Variants in MED12L observed in about 807,000 individuals in gnomAD.
MED12L encodes mediator complex subunit 12L.
A neutral mutation model predicts 281.3 loss-of-function variants in MED12L; 60 were observed. That is an observed-to-expected ratio of 0.21 (90% CI 0.17 to 0.26). The LOEUF (loss-of-function observed/expected upper bound fraction) is 0.26. Ranked by LOEUF, MED12L falls within the 10% of genes least tolerant of loss-of-function variation. The pLI, the probability that MED12L is intolerant of heterozygous loss-of-function variation, is 1.00. For missense variants in MED12L, 2,146 were observed against 2,680.9 expected, an observed-to-expected ratio of 0.80 and a Z score of 4.41; for synonymous variants, 974 against 987.2, an observed-to-expected ratio of 0.99 and a Z score of 0.25.
chr3:151,233,799 G>T (rs1022495937), intron 16 of MED12L, among the ~76,000 whole-genome samples: 1 of 152,226 alleles, frequency 6.6e-6, no homozygotes, highest in East Asian at 1.9e-4. Context: ...TTCTTGGATC[G>T]TTCCTGTTCC....
At chr3:151,391,285 A>C (rs1210089921) in intron 38 of MED12L, among the ~76,000 whole-genome samples, 1 of 152,198 alleles carries the variant, frequency 6.6e-6, no homozygotes, top group Non-Finnish European at 1.5e-5. Flanking sequence ...TGATCTTCAC[A>C]TATTCCTAGC....
chr3:151,230,081 C>T (rs368932754), intron 16 of MED12L, among the ~76,000 whole-genome samples: 8 of 151,670 alleles, frequency 5.3e-5, no homozygotes, highest in South Asian at 2.1e-4. Flanking sequence ...GCCATTCTCC[C>T]GCCTCTGCCT....
At chr3:151,310,374 C>T (rs535524903) in intron 16 of MED12L, among the ~76,000 whole-genome samples, 1 of 152,288 alleles carries the variant, frequency 6.6e-6, no homozygotes, top group East Asian at 1.9e-4. Context: ...CTTATCCTGC[C>T]TCTGTAAAAT....
At chr3:151,260,495 G>A (rs572155584) in intron 16 of MED12L, among the ~76,000 whole-genome samples, 9 of 152,090 alleles carry the variant, frequency 5.9e-5, no homozygotes, top group African/African-American at 1.7e-4. Context: ...GACTGCAGGC[G>A]TGTACCACTG....
At chr3:151,259,441 A>C (rs972912898) in intron 16 of MED12L, among the ~76,000 whole-genome samples, 4 of 152,204 alleles carry the variant, frequency 2.6e-5, no homozygotes, top group African/African-American at 9.6e-5. Context: ...TTATTAGTCA[A>C]CCTGGACACT....
intron 16 of MED12L, among the ~76,000 whole-genome samples, chr3:151,277,322 C>T (rs967221297): frequency 6.6e-6 from 1 of 151,792 alleles, no homozygotes; most frequent in South Asian, 2.1e-4. Flanking sequence ...TAAATTTTAC[C>T]GAAATATAAA....
At chr3:151,262,681 T>G (rs530364789) in intron 16 of MED12L, among the ~76,000 whole-genome samples, 29 of 152,298 alleles carry the variant, frequency 1.9e-4, no homozygotes, top group Non-Finnish European at 3.2e-4. Context: ...ACCGACAGAT[T>G]TATTCTTGGG....
intron 9 of MED12L, among the ~76,000 whole-genome samples, chr3:151,164,609 A>G (rs1477997035): frequency 6.6e-6 from 1 of 152,222 alleles, no homozygotes; most frequent in East Asian, 1.9e-4. Flanking sequence ...CAAATGTCCA[A>G]CAATGATTGA....
rs1208924605 is a variant in MED12L, at chr3:151,411,501, C to G, written c.6134C>G (p.Ser2045Cys). Reference sequence around the variant, plus strand: ...CCGTACCTGCAGCCCCTGACTGGCTCTCAGAGGTGATACATGTGGAAATGA... The same window carrying G: ...CCGTACCTGCAGCCCCTGACTGGCTGTCAGAGGTGATACATGTGGAAATGA... Reference protein sequence around the residue: ...ASPYLQPLTGSQRLNHQALQQ... With the variant: ...ASPYLQPLTGCQRLNHQALQQ... Residue 2045 changes from serine (S) to cysteine (C), a missense_variant, in exon 41 of 45, where the codon TCT (serine) becomes TGT (cysteine). Ser to Cys is a moderately radical substitution (Grantham distance 112). Around this residue, in one of 9 missense-constraint regions of MED12L, gnomAD observed 496 missense variants for 512.0 expected, o/e 0.97. Coordinates refer to ENST00000687756, the MANE Select transcript of MED12L (RefSeq NM_001393769.1). The G allele has an allele frequency of 1.9e-6, 3 of 1,614,020 alleles. No homozygotes were observed. The highest frequency in any genetic ancestry group is 2.5e-6 in the Non-Finnish European group (3 of 1,179,884).
intron 38 of MED12L, among the ~76,000 whole-genome samples, chr3:151,391,020 G>A (rs1714169634): frequency 6.6e-6 from 1 of 152,136 alleles, no homozygotes; most frequent in South Asian, 2.1e-4. Context: ...TCTGTAAAAT[G>A]AATATGCTAA....
At chr3:151,361,521 T>G (rs1754612946) in intron 21 of MED12L, among the ~76,000 whole-genome samples, 3 of 152,204 alleles carry the variant, frequency 2.0e-5, no homozygotes, top group Non-Finnish European at 4.4e-5. Flanking sequence ...CATGACCTGA[T>G]AATGATAGTA....
At chr3:151,178,823 T>C (rs1168142019) in intron 11 of MED12L, among the ~76,000 whole-genome samples, 1 of 152,228 alleles carries the variant, frequency 6.6e-6, no homozygotes, top group Admixed American at 6.5e-5. Flanking sequence ...TACTACTACC[T>C]GTAAATTTGG....
chr3:151,145,796 A>T (rs549382443), intron 5 of MED12L, among the ~76,000 whole-genome samples: 1 of 152,188 alleles, frequency 6.6e-6, no homozygotes, highest in African/African-American at 2.4e-5. Flanking sequence ...CGTTGATGGC[A>T]CCAGGACCAC....
At chr3:151,383,598 G>A (rs2108153961) in intron 33 of MED12L, among the ~76,000 whole-genome samples, 181 bp from the exon 34 acceptor site, 1 of 152,286 alleles carries the variant, frequency 6.6e-6, no homozygotes, top group African/African-American at 2.4e-5. Flanking sequence ...ACTGAACTGT[G>A]CTGAAAGAAC....
Position 151,198,698 on chromosome 3 carries a change from G to A in MED12L, c.2250+5032G>A, listed in dbSNP as rs771589226. 1.6e-5 allele frequency: 26 copies of A among 1,613,786 alleles called. No individual in the cohort carries two copies. Among genetic ancestry groups the A allele is most frequent in the Non-Finnish European group, 2.1e-5 (25 of 1,179,810 alleles). ...AGGAACAAAGCATATGATGTAGCCC[G>A]TGGTCACTAAAAGTATGTTGATGAG... On this transcript the variant is annotated intron_variant, in intron 16 of 44. Transcript: ENST00000687756.
At chr3:151,223,790 A>G (rs1729901586) in intron 16 of MED12L, among the ~76,000 whole-genome samples, 1 of 152,206 alleles carries the variant, frequency 6.6e-6, no homozygotes, top group African/African-American at 2.4e-5. Flanking sequence ...GCTCAGTGTC[A>G]CACAATATAC....
intron 16 of MED12L, among the ~76,000 whole-genome samples, chr3:151,242,234 C>A (rs1482253453): frequency 6.6e-6 from 1 of 152,258 alleles, no homozygotes; most frequent in African/African-American, 2.4e-5. Flanking sequence ...ATTAGGTAAA[C>A]AAAGCAGCCG....
intron 16 of MED12L, among the ~76,000 whole-genome samples, chr3:151,274,559 A>G (rs1163267269): frequency 2.0e-5 from 3 of 152,246 alleles, no homozygotes; most frequent in Non-Finnish European, 2.9e-5. Context: ...TGAACTAAGT[A>G]TCATTTTTCA....
At chr3:151,377,606 A>T (rs1176447810) in intron 30 of MED12L, among the ~76,000 whole-genome samples, 2 of 152,222 alleles carry the variant, frequency 1.3e-5, no homozygotes, top group African/African-American at 4.8e-5. Flanking sequence ...GTATTTCATC[A>T]TTTTGGTATA....
Sources: gnomAD v4.1 joint callset for allele counts (sites outside exome capture counted in the v4.1 genomes callset) on GRCh38, gnomAD v4.1.1 for gene constraint, gnomAD v4.1.1 regional missense constraint, MANE v1.5 for transcripts, NCBI Gene and HGNC (gene_info 2026-07-23, HGNC 2026-07-21) for gene names.